Variants in ENPP6 observed in about 807,000 individuals in gnomAD.
ENPP6 encodes the protein glycerophosphocholine cholinephosphodiesterase ENPP6.
In ENPP6, 32 loss-of-function variants were observed where a neutral mutation model predicts 42.0. That is an observed-to-expected ratio of 0.76 (90% CI 0.58 to 1.02). The LOEUF (loss-of-function observed/expected upper bound fraction) is 1.02, where lower values mean the gene tolerates loss of function less well. ENPP6 is among the 50% of genes least tolerant of loss of function. The pLI is 0.00. For synonymous variants in ENPP6, 213 were observed against 216.0 expected (o/e 0.99, Z 0.12); for missense variants, 552 against 566.8 (o/e 0.97, Z 0.27).
rs17679496 is a variant in ENPP6 at position 184,153,465 on chromosome 4, G to A, written c.421+89C>T. 0.033 allele frequency: 46,750 copies of A among 1,401,972 alleles called. 4,050 individuals carry two copies. The East Asian group carries it at 0.38, about 12-fold the overall frequency. The allele number at this position is 1,401,972 out of a possible 1,614,324, so 86.8% of individuals were successfully genotyped here. On this transcript the variant is annotated intron_variant, in intron 2 of 7. Coordinates refer to ENST00000296741, the MANE Select transcript of ENPP6 (RefSeq NM_153343.4). ...ATAAAGATCCCATTTTCCAAACCAC[G>A]GCTTGGTCTTCAAACAGTAACTTGA... is the stretch of plus-strand genomic sequence containing the variant.
intron 3 of ENPP6, among the ~76,000 whole-genome samples, chr4:184,122,932 CA>C (rs1736443378): frequency 6.6e-6 from 1 of 152,214 alleles, no homozygotes; most frequent in South Asian, 2.1e-4. Flanking sequence ...TTCACTCGCA[CA>C]AAACTAGACT....
intron 1 of ENPP6, among the ~76,000 whole-genome samples, chr4:184,175,086 C>A (rs1228773352): frequency 2.0e-5 from 3 of 152,230 alleles, no homozygotes; most frequent in Non-Finnish European, 4.4e-5. Context: ...CTCCTCTTGG[C>A]TCCCAGGACC....
chr4:184,194,116 A>G (rs1480844394), intron 1 of ENPP6, among the ~76,000 whole-genome samples: 1 of 152,004 alleles, frequency 6.6e-6, no homozygotes, highest in Non-Finnish European at 1.5e-5. Context: ...CTTTCTTACC[A>G]TCATGGTCCC....
chr4:184,177,821 A>G (rs922955869), intron 1 of ENPP6, among the ~76,000 whole-genome samples: 7 of 152,196 alleles, frequency 4.6e-5, no homozygotes, highest in Admixed American at 1.3e-4. Flanking sequence ...AACAGAAAGC[A>G]ACAACAACAG....
intron 2 of ENPP6, among the ~76,000 whole-genome samples, chr4:184,149,302 C>A (rs1736982976): frequency 6.6e-6 from 1 of 152,176 alleles, no homozygotes; most frequent in South Asian, 2.1e-4. Context: ...TTGTCAAGGA[C>A]CTACCATGGC....
chr4:184,130,188 G>T (rs1736571444), intron 2 of ENPP6, among the ~76,000 whole-genome samples: 1 of 152,112 alleles, frequency 6.6e-6, no homozygotes, highest in Non-Finnish European at 1.5e-5. Flanking sequence ...CCCTGGGTCT[G>T]CAGCAGCTGC....
At chr4:184,143,250 C>T (rs1246787441) in intron 2 of ENPP6, among the ~76,000 whole-genome samples, 1 of 152,226 alleles carries the variant, frequency 6.6e-6, no homozygotes, top group Admixed American at 6.5e-5. Flanking sequence ...ATTCCTTCCT[C>T]ACCCCTCCAA....
At chr4:184,209,106 C>T (rs1157769484) in intron 1 of ENPP6, among the ~76,000 whole-genome samples, 4 of 150,320 alleles carry the variant, frequency 2.7e-5, no homozygotes, top group Admixed American at 6.6e-5. Flanking sequence ...CATCAAAGAC[C>T]AAAAGTAGAT....
rs1390465005 is a variant in ENPP6 at position 184,089,849 on chromosome 4, A to G, written c.*1328T>C. On this transcript the variant is annotated 3_prime_UTR_variant, in exon 8 of 8. Coordinates refer to ENST00000296741, the MANE Select transcript of ENPP6 (RefSeq NM_153343.4). The stretch of plus-strand genomic sequence containing the variant: ...CAAGTATATATATGTATATAGATAT[A>G]AATGATCATGTAAAAAGGAGTTATT... 1 of 152,220 alleles carries G rather than the reference A, an allele frequency of 6.6e-6. No individual in the cohort carries two copies. The highest frequency in any genetic ancestry group is 1.5e-5 in the Non-Finnish European group (1 of 68,050). 9.4% of individuals were successfully genotyped at this position (152,220 alleles called of 1,614,324 possible).
chr4:184,197,047 A>C (rs190151579), intron 1 of ENPP6, among the ~76,000 whole-genome samples: 2 of 152,352 alleles, frequency 1.3e-5, no homozygotes, highest in East Asian at 3.9e-4. Context: ...GTTATAATAC[A>C]TGTTGACACA....
chr4:184,097,502 T>C, intron 6 of ENPP6, 134 bp from the exon 7 acceptor site: 1 of 1,302,376 alleles, frequency 7.7e-7, no homozygotes, highest in African/African-American at 1.5e-5. Context: ...TGACCCAACC[T>C]CCGCTGCGGC....
At chr4:184,109,302 C>T (rs1299114741) in intron 6 of ENPP6, among the ~76,000 whole-genome samples, 3 of 151,952 alleles carry the variant, frequency 2.0e-5, no homozygotes, top group African/African-American at 4.8e-5. Context: ...CAGGAGAATT[C>T]GAAACAGGAA....
intron 1 of ENPP6, among the ~76,000 whole-genome samples, chr4:184,200,601 C>G (rs1046337669): frequency 7.2e-5 from 11 of 152,184 alleles, no homozygotes; most frequent in African/African-American, 2.7e-4. Flanking sequence ...AGTGCAGGCC[C>G]AGGAAGATGA....
At position 184,153,652 on chromosome 4, in the gene ENPP6, T is replaced by C. The variant is rs1737096366; in HGVS notation, c.323A>G (p.Asn108Ser). 1 of 1,614,226 alleles carries C rather than the reference T, an allele frequency of 6.2e-7. No homozygotes were observed. The highest frequency in any genetic ancestry group is 8.5e-7 in the Non-Finnish European group (1 of 1,180,040). ...CCAGAGAGGCATTAGGCTGTCTTTGTTGACGCCAATGTCAAAGGACTTGTT... is the reference window on the plus strand; with the variant it reads ...CCAGAGAGGCATTAGGCTGTCTTTGCTGACGCCAATGTCAAAGGACTTGTT... The part of the protein sequence containing the change: ...TTNKSFDIGV[N>S]KDSLMPLWWN... The change falls in exon 2 of 8, where the codon AAC becomes AGC. Residue 108 changes from asparagine to serine, a missense_variant. Transcript: ENST00000296741.
At chr4:184,175,716 A>G (rs1737549335) in intron 1 of ENPP6, among the ~76,000 whole-genome samples, 1 of 152,172 alleles carries the variant, frequency 6.6e-6, no homozygotes, top group South Asian at 2.1e-4. Flanking sequence ...TCCCACTTAC[A>G]CCAAGCGTGT....
chr4:184,208,663 A>C (rs1339703445), intron 1 of ENPP6, among the ~76,000 whole-genome samples: 1 of 148,218 alleles, frequency 6.7e-6, no homozygotes, highest in Non-Finnish European at 1.5e-5. Context: ...AGGCTGGGGG[A>C]GGGGCGCCCG....
chr4:184,182,195 G>T (rs1732565751), intron 1 of ENPP6, among the ~76,000 whole-genome samples: 1 of 151,372 alleles, frequency 6.6e-6, no homozygotes, highest in Non-Finnish European at 1.5e-5. Context: ...TAAAAAGTGG[G>T]CAAAGGACAA....
intron 1 of ENPP6, among the ~76,000 whole-genome samples, chr4:184,208,824 A>G (rs1359364325): frequency 7.0e-6 from 1 of 142,672 alleles, no homozygotes; most frequent in Non-Finnish European, 1.6e-5. Context: ...TAACCTCTGC[A>G]GACTTAAATG....
At chr4:184,095,776 T>C (rs1024133418) in intron 7 of ENPP6, among the ~76,000 whole-genome samples, 1 of 151,998 alleles carries the variant, frequency 6.6e-6, no homozygotes. Flanking sequence ...CATCTGGGAA[T>C]GGAGGGTGCC....
Sources: allele counts gnomAD v4.1 joint callset (sites outside exome capture counted in the v4.1 genomes callset), GRCh38; gene constraint gnomAD v4.1.1; transcripts MANE v1.5; gene names NCBI Gene and HGNC (gene_info 2026-07-23, HGNC 2026-07-21).